The following SOBP variants were observed in gnomAD, a reference collection of about 807,000 sequenced individuals.
The protein encoded by SOBP is sine oculis-binding protein homolog.
In SOBP, 4 loss-of-function variants were observed where a neutral mutation model predicts 53.6. That is an observed-to-expected ratio of 0.07 (90% CI 0.04 to 0.17). The LOEUF is 0.17. SOBP is among the 10% of genes least tolerant of loss of function. The pLI, the probability that SOBP is intolerant of heterozygous loss-of-function variation, is 1.00. For synonymous variants in SOBP, 584 were observed against 522.6 expected, an observed-to-expected ratio of 1.12 and a Z score of -1.60; for missense variants, 1,088 against 1,204.7, an observed-to-expected ratio of 0.90 and a Z score of 1.43.
intron 6 of SOBP, among the ~76,000 whole-genome samples, chr6:107,653,574 G>T (rs1344140637): frequency 6.6e-6 from 1 of 152,210 alleles, no homozygotes; most frequent in Non-Finnish European, 1.5e-5. Context: ...AGACTCCTGG[G>T]GATAAATATG....
chr6:107,606,070 CTTTTTTT>C (rs11298151), intron 5 of SOBP, among the ~76,000 whole-genome samples: 2 of 62,904 alleles, frequency 3.2e-5, no homozygotes, highest in South Asian at 1.8e-3. Context: ...AGATAGGCTC[CTTTTTTT>C]TTTTTTTTTT....
intron 5 of SOBP, among the ~76,000 whole-genome samples, chr6:107,602,424 T>C (rs761790733): frequency 2.0e-5 from 3 of 152,136 alleles, no homozygotes; most frequent in Non-Finnish European, 4.4e-5. Context: ...TCCTTCAATC[T>C]CCTGATGAGA....
At chr6:107,639,839 T>C (rs1448891337) in intron 6 of SOBP, among the ~76,000 whole-genome samples, 1 of 152,114 alleles carries the variant, frequency 6.6e-6, no homozygotes, top group East Asian at 1.9e-4. Flanking sequence ...TTAAGTAAAA[T>C]AATCAATGGA....
chr6:107,635,482 G>A lies in SOBP; in HGVS notation c.*3+13G>A, dbSNP rs764842583. On this transcript the variant is annotated intron_variant, in intron 6 of 6. Transcript: ENST00000317357. This position sits in a 1 kb window ranked among gnomAD's most constrained non-coding sequence, Gnocchi z 4.5. ...GAATAAGTAAAAGGTTTGTATGTCCGCCGGGCGCTCCTCCACACCAGCCAG... is the reference window on the plus strand; with the variant it reads ...GAATAAGTAAAAGGTTTGTATGTCCACCGGGCGCTCCTCCACACCAGCCAG... 6.2e-7 allele frequency: 1 copy of A among 1,611,616 alleles called. No individual in the cohort carries two copies. The highest frequency in any genetic ancestry group is 8.5e-7 in the Non-Finnish European group (1 of 1,179,968).
Position 107,581,790 on chromosome 6 carries a change from A to T in SOBP, c.574-5290A>T, listed in dbSNP as rs1371185240. 2.0e-5 allele frequency among the ~76,000 whole-genome samples: 3 copies of T among 152,234 alleles called. 1 individual carries two copies. Among genetic ancestry groups the T allele is most frequent in the Non-Finnish European group, 4.4e-5 (3 of 68,036 alleles). On this transcript the variant is annotated intron_variant, in intron 4 of 6. Coordinates refer to ENST00000317357, the MANE Select transcript of SOBP (RefSeq NM_018013.4). ...TTATTTCTGGTTCCAACAATTAGTT[A>T]TAAAATATAAAATCAATGGCCCCTT...
intron 5 of SOBP, among the ~76,000 whole-genome samples, chr6:107,631,019 T>C (rs2115137038): frequency 6.6e-6 from 1 of 152,306 alleles, no homozygotes; most frequent in Admixed American, 6.5e-5. Flanking sequence ...TCCTTATTCA[T>C]CATTGGATTA....
chr6:107,613,660 A>C (rs1786678838), intron 5 of SOBP, among the ~76,000 whole-genome samples: 1 of 152,234 alleles, frequency 6.6e-6, no homozygotes, highest in African/African-American at 2.4e-5. Flanking sequence ...CCAGGTTCAA[A>C]GACCTTCTTA....
chr6:107,568,035 A>T (rs868854157), intron 4 of SOBP, among the ~76,000 whole-genome samples: 19 of 152,200 alleles, frequency 1.2e-4, no homozygotes, highest in African/African-American at 4.3e-4. Context: ...TTATCCAAGT[A>T]TGTAATATGT....
At chr6:107,522,884 G>T (rs1486218205) in intron 3 of SOBP, among the ~76,000 whole-genome samples, 1 of 152,028 alleles carries the variant, frequency 6.6e-6, no homozygotes, top group Non-Finnish European at 1.5e-5. Flanking sequence ...TAATCAGAAT[G>T]TGGGAGGTGG....
At chr6:107,609,780 C>A (rs182824948) in intron 5 of SOBP, among the ~76,000 whole-genome samples, 78 of 152,216 alleles carry the variant, frequency 5.1e-4, no homozygotes, top group East Asian at 5.0e-3. Context: ...TCCCACCAGA[C>A]CATCACTGGC....
At chr6:107,637,028 T>C (rs750010703) in intron 6 of SOBP, among the ~76,000 whole-genome samples, 24 of 152,202 alleles carry the variant, frequency 1.6e-4, no homozygotes, top group Admixed American at 5.2e-4. Flanking sequence ...GTTTCTTTAT[T>C]ACCCTACATA....
intron 3 of SOBP, among the ~76,000 whole-genome samples, chr6:107,524,079 G>A (rs1200613368): frequency 1.3e-5 from 2 of 152,252 alleles, no homozygotes; most frequent in African/African-American, 4.8e-5. Context: ...TTTCATTAAA[G>A]AGCAGATGAT....
chr6:107,609,558 A>G (rs1786515138), intron 5 of SOBP, among the ~76,000 whole-genome samples: 2 of 152,210 alleles, frequency 1.3e-5, no homozygotes, highest in Non-Finnish European at 2.9e-5. Flanking sequence ...AAGTCAACTC[A>G]TGGTGTAGAA....
chr6:107,547,798 A>G (rs140321386), intron 4 of SOBP, among the ~76,000 whole-genome samples: 1 of 152,304 alleles, frequency 6.6e-6, no homozygotes, highest in African/African-American at 2.4e-5. Context: ...GTTAATGATC[A>G]TGGATAGTAG....
At chr6:107,571,115 T>C (rs974905717) in intron 4 of SOBP, among the ~76,000 whole-genome samples, 1 of 152,176 alleles carries the variant, frequency 6.6e-6, no homozygotes, top group African/African-American at 2.4e-5. Flanking sequence ...TTGTTCTTTG[T>C]TACTGTGGGG....
intron 6 of SOBP, among the ~76,000 whole-genome samples, chr6:107,656,911 A>G (rs1207398327): frequency 1.3e-5 from 2 of 152,264 alleles, no homozygotes; most frequent in African/African-American, 4.8e-5. Flanking sequence ...GATGTTTACA[A>G]GTCCTCTGTC....
intron 4 of SOBP, among the ~76,000 whole-genome samples, chr6:107,571,182 A>G (rs561629147): frequency 6.6e-6 from 1 of 152,286 alleles, no homozygotes; most frequent in Admixed American, 6.5e-5. Context: ...TATGGCAGAT[A>G]ATGCCCTGTT....
intron 3 of SOBP, among the ~76,000 whole-genome samples, chr6:107,521,914 AC>A (rs1783505437): frequency 8.4e-5 from 1 of 11,880 alleles, no homozygotes; most frequent in Non-Finnish European, 7.3e-4. Context: ...ATTAAAACAC[AC>A]ACACACACAC....
chr6:107,536,282 A>T (rs1783996078), intron 4 of SOBP, among the ~76,000 whole-genome samples: 1 of 152,228 alleles, frequency 6.6e-6, no homozygotes, highest in Non-Finnish European at 1.5e-5. Context: ...AAATCCTAGT[A>T]GAAAAGGTAG....
Sources: allele counts gnomAD v4.1 joint callset (sites outside exome capture counted in the v4.1 genomes callset), GRCh38; gene constraint gnomAD v4.1.1; non-coding constraint Gnocchi (gnomAD v3.1); transcripts MANE v1.5; gene names NCBI Gene and HGNC (gene_info 2026-07-23, HGNC 2026-07-21).